ZNF385D: variants seen among roughly 807,000 people sequenced by gnomAD.
The protein encoded by ZNF385D is zinc finger protein 659.
In ZNF385D, 15 loss-of-function variants were observed where a neutral mutation model predicts 35.8. That is an observed-to-expected ratio of 0.42 (90% CI 0.28 to 0.64). ZNF385D has a LOEUF of 0.64. Among genes scored for constraint, ZNF385D ranks in the 30% least tolerant of loss-of-function variants. The probability of loss-of-function intolerance (pLI) is 0.23; values close to 1 mark genes in which losing one functional copy is unlikely to be tolerated. For missense variants in ZNF385D, 474 were observed against 494.6 expected (o/e 0.96, Z 0.39); for synonymous variants, 212 against 186.8 (o/e 1.13, Z -1.10).
At chr3:22,077,214 C>A (rs996999745) in intron 3 of ZNF385D, among the ~76,000 whole-genome samples, 7 of 151,846 alleles carry the variant, frequency 4.6e-5, no homozygotes, top group African/African-American at 1.7e-4. Flanking sequence ...TGTTTCATTT[C>A]TTTACTCTTT....
chr3:22,187,276 A>G (rs1470255703), intron 2 of ZNF385D, among the ~76,000 whole-genome samples: 1 of 152,206 alleles, frequency 6.6e-6, no homozygotes, highest in African/African-American at 2.4e-5. Flanking sequence ...GAAGTCTATT[A>G]AAATAAGAGT....
intron 3 of ZNF385D, among the ~76,000 whole-genome samples, chr3:22,160,238 C>G (rs1705859873): frequency 6.6e-6 from 1 of 152,012 alleles, no homozygotes; most frequent in Non-Finnish European, 1.5e-5. Flanking sequence ...AATACATATA[C>G]TGATATAGAT....
chr3:21,594,093 A>T (rs1368933475), intron 2 of ZNF385D, among the ~76,000 whole-genome samples: 1 of 152,122 alleles, frequency 6.6e-6, no homozygotes, highest in African/African-American at 2.4e-5. Flanking sequence ...GCAAGAAGCA[A>T]CTCTAGCAGA....
chr3:21,926,064 T>A (rs894998479), intron 3 of ZNF385D, among the ~76,000 whole-genome samples: 1 of 152,164 alleles, frequency 6.6e-6, no homozygotes, highest in Admixed American at 6.5e-5. Flanking sequence ...CTGAAAACTT[T>A]TGGAAATTTT....
intron 2 of ZNF385D, among the ~76,000 whole-genome samples, chr3:22,224,060 G>C (rs897073994): frequency 6.6e-6 from 1 of 152,074 alleles, no homozygotes; most frequent in African/African-American, 2.4e-5. Context: ...CTTATCCCAA[G>C]TATATGCAAG....
chr3:21,598,065 C>G (rs2064174177), intron 2 of ZNF385D, among the ~76,000 whole-genome samples: 1 of 152,116 alleles, frequency 6.6e-6, no homozygotes, highest in African/African-American at 2.4e-5. Context: ...TTATAGAATA[C>G]CTATAGCAAA....
At chr3:21,802,823 G>A (rs1164418584) in intron 3 of ZNF385D, among the ~76,000 whole-genome samples, 1 of 152,144 alleles carries the variant, frequency 6.6e-6, no homozygotes, top group African/African-American at 2.4e-5. Flanking sequence ...TAATAACAAA[G>A]TGTTTGTGAA....
chr3:21,455,058 A>G (rs1435447234), intron 4 of ZNF385D, among the ~76,000 whole-genome samples: 2 of 152,324 alleles, frequency 1.3e-5, no homozygotes, highest in East Asian at 3.9e-4. Context: ...AAGGAGAACT[A>G]CAAGCCACTG....
Position 21,973,481 on chromosome 3 carries a change from T to A in ZNF385D, c.325+195336A>T, listed in dbSNP as rs139233814. 1.3e-3 allele frequency among the ~76,000 whole-genome samples: 194 copies of A among 152,114 alleles called. 1 individual carries two copies. The highest frequency in any genetic ancestry group is 0.011 in the Admixed American group (172 of 15,252). On this transcript the variant is annotated intron_variant, in intron 3 of 5. Coordinates refer to the ZNF385D transcript ENST00000494108. Reference sequence around the variant, plus strand: ...AGTATCATATTGAACAGGGAAAAACTGACAGCTTTTCCTCTAAGATCTGGG... The same window carrying A: ...AGTATCATATTGAACAGGGAAAAACAGACAGCTTTTCCTCTAAGATCTGGG...
At position 22,253,286 on chromosome 3, in the gene ZNF385D, G is replaced by T. The variant is rs187682004; in HGVS notation, c.107-84251C>A. On this transcript the variant is annotated intron_variant, in intron 2 of 5. Coordinates refer to the ZNF385D transcript ENST00000494108. ...AGGATGGGAAAAAGTTAGGACTAAGGTATTGTAAAAACTAAGAAATAGACT... is the reference window on the plus strand; with the variant it reads ...AGGATGGGAAAAAGTTAGGACTAAGTTATTGTAAAAACTAAGAAATAGACT... Among the ~76,000 whole-genome samples, 16 of 151,952 alleles carry T rather than the reference G, an allele frequency of 1.1e-4. No homozygotes were observed. The South Asian group carries it at 2.7e-3, about 26-fold the overall frequency.
chr3:21,992,010 C>A (rs1335205593), intron 3 of ZNF385D, among the ~76,000 whole-genome samples: 3 of 152,166 alleles, frequency 2.0e-5, no homozygotes, highest in Non-Finnish European at 4.4e-5. Flanking sequence ...GCTAACTATT[C>A]TCTTTAGCAT....
At chr3:21,832,671 A>T (rs1038461662) in intron 3 of ZNF385D, among the ~76,000 whole-genome samples, 1 of 152,194 alleles carries the variant, frequency 6.6e-6, no homozygotes, top group Admixed American at 6.5e-5. Context: ...AAACGGGCTG[A>T]ATGGTAAGGT....
In ZNF385D at chr3:21,595,468, T is replaced by C. The variant is rs936574665; in HGVS notation, c.166-30784A>G. ...ATATATGTAATATGTATATGTAATA[T>C]ATAATTATATATGTTTATGTAATAT... On this transcript the variant is annotated intron_variant, in intron 2 of 7. Transcript: ENST00000281523. Among the ~76,000 whole-genome samples the C allele has an allele frequency of 2.0e-5, 3 of 148,890 alleles. No homozygotes were observed. In the East Asian group the frequency reaches 5.8e-4, roughly 29 times the overall value.
At chr3:21,750,545 A>C (rs994661588) in intron 1 of ZNF385D, among the ~76,000 whole-genome samples, 1 of 152,142 alleles carries the variant, frequency 6.6e-6, no homozygotes, top group African/African-American at 2.4e-5. Context: ...ACTTTGTTTC[A>C]CATTCCATTA....
intron 3 of ZNF385D, among the ~76,000 whole-genome samples, chr3:21,896,294 G>C (rs77428849): frequency 0.072 from 10,941 of 152,072 alleles, 421 homozygotes; most frequent in Middle Eastern, 0.085. Flanking sequence ...TGATGCTTTG[G>C]ATATATGTCA....
chr3:22,070,937 G>A (rs188220262), intron 3 of ZNF385D, among the ~76,000 whole-genome samples: 2 of 152,106 alleles, frequency 1.3e-5, no homozygotes, highest in Admixed American at 1.3e-4. Context: ...CTTATTAACA[G>A]TATAGGTGTT....
chr3:21,426,772 T>TTGTGAAGGGC (rs1701045764), intron 5 of ZNF385D, among the ~76,000 whole-genome samples: 1 of 152,132 alleles, frequency 6.6e-6, no homozygotes, highest in African/African-American at 2.4e-5. Flanking sequence ...GGAAAATATA[T>TTGTGAAGGGC]TGTGAAGGGC....
chr3:21,909,067 AAAC>A (rs1487571651), intron 3 of ZNF385D, among the ~76,000 whole-genome samples: 4 of 152,094 alleles, frequency 2.6e-5, no homozygotes, highest in South Asian at 2.1e-4. Flanking sequence ...CTGAAGGTCT[AAAC>A]AACAAGTTAA....
intron 3 of ZNF385D, among the ~76,000 whole-genome samples, chr3:21,824,363 C>T (rs1694462737): frequency 6.6e-6 from 1 of 152,174 alleles, no homozygotes; most frequent in Non-Finnish European, 1.5e-5. Flanking sequence ...TACATGAATA[C>T]AACTGTGTAA....
Sources: gnomAD v4.1 joint callset for allele counts (sites outside exome capture counted in the v4.1 genomes callset) on GRCh38, gnomAD v4.1.1 for gene constraint, MANE v1.5 for transcripts, NCBI Gene and HGNC (gene_info 2026-07-23, HGNC 2026-07-21) for gene names.